EYS: variants seen among roughly 807,000 people sequenced by gnomAD.
EYS encodes EGF-like photoreceptor maintenance factor.
A neutral mutation model predicts 282.1 loss-of-function variants in EYS; 250 were observed. The ratio of observed to expected loss-of-function variants is 0.89; its 90% CI spans 0.80 to 0.98. The LOEUF is 0.98. EYS is among the 50% of genes least tolerant of loss of function. The probability of loss-of-function intolerance (pLI) is 0.00; values close to 1 mark genes in which losing one functional copy is unlikely to be tolerated. For missense variants in EYS, 4,016 were observed against 3,709.0 expected, an observed-to-expected ratio of 1.08 and a Z score of -2.15; for synonymous variants, 1,355 against 1,282.9, an observed-to-expected ratio of 1.06 and a Z score of -1.20.
At chr6:64,943,466 G>T (rs1032419205) in intron 15 of EYS, among the ~76,000 whole-genome samples, 1 of 151,856 alleles carries the variant, frequency 6.6e-6, no homozygotes, top group African/African-American at 2.4e-5. Flanking sequence ...CCACCAAAAG[G>T]CTCAAAGTTT....
At chr6:65,037,434 T>C (rs538858095) in intron 13 of EYS, among the ~76,000 whole-genome samples, 1 of 151,900 alleles carries the variant, frequency 6.6e-6, no homozygotes, top group South Asian at 2.1e-4. Context: ...TCGCACGTTA[T>C]ATACCTGCAC....
Position 64,686,435 on chromosome 6 carries a change from T to C in EYS, c.3444-60190A>G, listed in dbSNP as rs553061054. Among the ~76,000 whole-genome samples, 3 of 151,942 alleles carry C rather than the reference T, an allele frequency of 2.0e-5. No homozygotes were observed. The South Asian group carries it at 6.2e-4, about 32-fold the overall frequency. ...CAATATGATAAATGAAATAGAATTA[T>C]ATAAATATTAAAATGATTATAATAG... On this transcript the variant is annotated intron_variant, in intron 22 of 42. Coordinates refer to ENST00000503581, the MANE Select transcript of EYS (RefSeq NM_001142800.2).
Position 65,371,725 on chromosome 6 carries a change from CTCTCTCTCTCTCTCTCTGTG to C in EYS, c.1299+12641_1299+12660del, listed in dbSNP as rs1310914285. Among the ~76,000 whole-genome samples, 1,125 of 116,038 alleles carry C rather than the reference CTCTCTCTCTCTCTCTCTGTG, an allele frequency of 9.7e-3. 7 individuals carry two copies. Among genetic ancestry groups the C allele is most frequent in the Non-Finnish European group, 0.015 (824 of 54,258 alleles). 76.1% of individuals were successfully genotyped at this position (116,038 alleles called of 152,430 possible). ...TCTCTCTCCCTCTCTCTCTCTCTCT[CTCTCTCTCTCTCTCTCTGTG>C]TGTGTGTGTGTGTGTGTGTGTGTGT... On this transcript the variant is annotated intron_variant, in intron 8 of 42. Coordinates refer to ENST00000503581, the MANE Select transcript of EYS (RefSeq NM_001142800.2).
chr6:63,824,549 G>A (rs371452985), intron 36 of EYS, among the ~76,000 whole-genome samples: 23 of 152,256 alleles, frequency 1.5e-4, no homozygotes, highest in South Asian at 8.3e-4. Flanking sequence ...TGCAGGACGC[G>A]GAGACACCCC....
At chr6:63,851,071 A>G (rs985454728) in intron 36 of EYS, among the ~76,000 whole-genome samples, 1 of 152,230 alleles carries the variant, frequency 6.6e-6, no homozygotes, top group African/African-American at 2.4e-5. Context: ...ATCAAGAGAG[A>G]CAAAGAAGGG....
intron 12 of EYS, among the ~76,000 whole-genome samples, chr6:65,091,874 C>T (rs1289015471): frequency 6.6e-6 from 1 of 152,068 alleles, no homozygotes; most frequent in African/African-American, 2.4e-5. Flanking sequence ...TATAACTGCA[C>T]TGCTGACTCT....
intron 26 of EYS, among the ~76,000 whole-genome samples, chr6:64,583,392 G>C (rs921451922): frequency 3.3e-5 from 5 of 151,984 alleles, no homozygotes; most frequent in African/African-American, 1.2e-4. Flanking sequence ...GCTCATATTT[G>C]AACACTTCAG....
At chr6:64,014,249 T>A (rs1768780083) in intron 33 of EYS, among the ~76,000 whole-genome samples, 1 of 151,992 alleles carries the variant, frequency 6.6e-6, no homozygotes, top group Admixed American at 6.6e-5. Context: ...TAGGTGGAGA[T>A]TCACTCACAT....
intron 33 of EYS, among the ~76,000 whole-genome samples, chr6:64,012,141 C>T (rs1442378874): frequency 6.6e-6 from 1 of 151,656 alleles, no homozygotes; most frequent in Admixed American, 6.6e-5. Context: ...TAATTATTTC[C>T]AGATTAATAA....
At chr6:64,216,784 T>C (rs1362582344) in intron 31 of EYS, among the ~76,000 whole-genome samples, 1 of 152,140 alleles carries the variant, frequency 6.6e-6, no homozygotes, top group South Asian at 2.1e-4. Flanking sequence ...TCCAGAGCAA[T>C]GGCTGAACAG....
At chr6:64,539,564 C>T (rs995245155) in intron 26 of EYS, among the ~76,000 whole-genome samples, 2 of 152,036 alleles carry the variant, frequency 1.3e-5, no homozygotes, top group Admixed American at 6.6e-5. Context: ...GAGTGAGACC[C>T]TGTCTTAAAG....
At chr6:65,509,101 A>G (rs1766770980) in intron 2 of EYS, among the ~76,000 whole-genome samples, 2 of 152,224 alleles carry the variant, frequency 1.3e-5, no homozygotes, top group Middle Eastern at 3.2e-3. Context: ...TAAACATAAC[A>G]TAAGAGGAGT....
chr6:63,755,830 C>G (rs1469069512), intron 41 of EYS, among the ~76,000 whole-genome samples: 1 of 152,154 alleles, frequency 6.6e-6, no homozygotes, highest in Non-Finnish European at 1.5e-5. Flanking sequence ...TTGTAGTTCT[C>G]CTTGAAGAGG....
At chr6:64,080,825 A>G (rs1582239981) in intron 32 of EYS, among the ~76,000 whole-genome samples, 1 of 151,968 alleles carries the variant, frequency 6.6e-6, no homozygotes, top group African/African-American at 2.4e-5. Flanking sequence ...TCCTTTCCCC[A>G]TTGCTTGTTT....
chr6:64,872,271 G>A (rs1321118195), intron 19 of EYS, among the ~76,000 whole-genome samples: 1 of 151,902 alleles, frequency 6.6e-6, no homozygotes, highest in East Asian at 1.9e-4. Flanking sequence ...AAAAATTAAG[G>A]GTATCATGTA....
intron 2 of EYS, among the ~76,000 whole-genome samples, chr6:65,497,113 GA>G (rs1474349604): frequency 3.3e-5 from 5 of 151,906 alleles, no homozygotes; most frequent in African/African-American, 1.2e-4. Context: ...TAATTTTATA[GA>G]TTTAAATTAT....
At chr6:64,845,809 C>G (rs936248053) in intron 19 of EYS, among the ~76,000 whole-genome samples, 2 of 152,062 alleles carry the variant, frequency 1.3e-5, no homozygotes, top group African/African-American at 4.8e-5. Flanking sequence ...AAGTAAAATT[C>G]TCTCTTCCTT....
chr6:65,157,120 G>A (rs1010099966), intron 12 of EYS, among the ~76,000 whole-genome samples: 5 of 150,814 alleles, frequency 3.3e-5, no homozygotes, highest in East Asian at 2.0e-4. Context: ...TTAGAGTGTC[G>A]ATTTCTTAGT....
At chr6:64,974,113 T>C (rs560872547) in intron 14 of EYS, among the ~76,000 whole-genome samples, 1 of 152,058 alleles carries the variant, frequency 6.6e-6, no homozygotes, top group South Asian at 2.1e-4. Context: ...AAGTAATTTC[T>C]TAAAATCATT....
Sources: allele counts gnomAD v4.1 joint callset (sites outside exome capture counted in the v4.1 genomes callset), GRCh38; gene constraint gnomAD v4.1.1; transcripts MANE v1.5; gene names NCBI Gene and HGNC (gene_info 2026-07-23, HGNC 2026-07-21).